PLCH1: variants seen among roughly 807,000 people sequenced by gnomAD.
PLCH1 encodes phospholipase C eta 1, also known as 1-phosphatidylinositol 4,5-bisphosphate phosphodiesterase eta-1.
A neutral mutation model predicts 126.7 loss-of-function variants in PLCH1; 60 were observed. The ratio of observed to expected loss-of-function variants is 0.47; its 90% CI spans 0.38 to 0.59. PLCH1 has a LOEUF of 0.59. PLCH1 is among the 20% of genes least tolerant of loss of function. The pLI, the probability that PLCH1 is intolerant of heterozygous loss-of-function variation, is 0.00. For synonymous variants in PLCH1, 719 were observed against 734.9 expected, an observed-to-expected ratio of 0.98 and a Z score of 0.35; for missense variants, 1,723 against 2,040.0, an observed-to-expected ratio of 0.84 and a Z score of 2.99.
At chr3:155,500,885 T>A (rs1206885837) in intron 13 of PLCH1, 91 bp from the exon 14 acceptor site, 1 of 817,504 alleles carries the variant, frequency 1.2e-6, no homozygotes, top group East Asian at 2.5e-5. Context: ...AAAATGCACA[T>A]GTGCACAAAC....
intron 6 of PLCH1, among the ~76,000 whole-genome samples, chr3:155,580,900 T>C (rs1313962385): frequency 1.3e-5 from 2 of 152,210 alleles, no homozygotes; most frequent in Non-Finnish European, 2.9e-5. Context: ...GGTCTTTATT[T>C]TGAGCTTTCT....
At chr3:155,726,099 C>G (rs1748297841) in intron 1 of PLCH1, among the ~76,000 whole-genome samples, 1 of 152,238 alleles carries the variant, frequency 6.6e-6, no homozygotes, top group Admixed American at 6.5e-5. Flanking sequence ...CCTTTTGCTT[C>G]TCCAACTTAT....
At chr3:155,495,149 A>T (rs867091645) in intron 15 of PLCH1, among the ~76,000 whole-genome samples, 22 of 152,304 alleles carry the variant, frequency 1.4e-4, no homozygotes, top group African/African-American at 5.1e-4. Flanking sequence ...AAGGAATAAA[A>T]GTTTTAAGAA....
At chr3:155,459,345 T>A (rs2107972086) in intron 21 of PLCH1, among the ~76,000 whole-genome samples, 1 of 152,176 alleles carries the variant, frequency 6.6e-6, no homozygotes, top group East Asian at 1.9e-4. Flanking sequence ...TATGGGTAAA[T>A]CTTGAGGGTG....
intron 2 of PLCH1, among the ~76,000 whole-genome samples, chr3:155,659,970 A>G (rs1343490381): frequency 6.6e-6 from 1 of 152,184 alleles, no homozygotes; most frequent in Non-Finnish European, 1.5e-5. Context: ...ACATCAGTCG[A>G]TCATTAGAAA....
intron 11 of PLCH1, among the ~76,000 whole-genome samples, chr3:155,520,733 G>A (rs80105413): frequency 0.023 from 3,503 of 152,310 alleles, 142 homozygotes; most frequent in African/African-American, 0.081. Context: ...GTGTCTCTGA[G>A]TTGTATGATT....
intron 2 of PLCH1, among the ~76,000 whole-genome samples, chr3:155,667,531 T>C (rs1742860109): frequency 6.6e-6 from 1 of 152,062 alleles, no homozygotes; most frequent in Non-Finnish European, 1.5e-5. Context: ...AATAAAATAA[T>C]GGCATGAAAA....
At chr3:155,487,958 G>T in intron 21 of PLCH1, 70 bp downstream of exon 21, 1 of 975,536 alleles carries the variant, frequency 1.0e-6, no homozygotes, top group Non-Finnish European at 1.6e-6. Context: ...TTCCTATTAT[G>T]CAATTAATCA....
At chr3:155,617,261 C>T (rs556458790) in intron 2 of PLCH1, among the ~76,000 whole-genome samples, 10 of 152,200 alleles carry the variant, frequency 6.6e-5, no homozygotes, top group African/African-American at 2.2e-4. Flanking sequence ...AGCTATAGGA[C>T]TCTGACAGGC....
Position 155,662,860 on chromosome 3 carries a change from C to T in PLCH1, c.79+41286G>A, listed in dbSNP as rs951565780. On this transcript the variant is annotated intron_variant, in intron 2 of 22. Transcript: ENST00000460012. ...TGTATTTTTAGTAGAGATGGGGTTT[C>T]GCCATGTTGGCCAGGCTGGTCTTGA... is the stretch of plus-strand genomic sequence containing the variant. 4.6e-5 allele frequency among the ~76,000 whole-genome samples: 7 copies of T among 152,080 alleles called. No individual in the cohort carries two copies. The East Asian group carries it at 9.6e-4, about 21-fold the overall frequency.
intron 12 of PLCH1, among the ~76,000 whole-genome samples, chr3:155,512,682 A>G (rs574063669): frequency 1.3e-5 from 2 of 152,342 alleles, no homozygotes; most frequent in African/African-American, 4.8e-5. Context: ...GGACTCCTAC[A>G]CATGCACACT....
At chr3:155,564,503 T>C (rs985140269) in intron 8 of PLCH1, among the ~76,000 whole-genome samples, 1 of 152,042 alleles carries the variant, frequency 6.6e-6, no homozygotes, top group African/African-American at 2.4e-5. Flanking sequence ...AGGTGGAGAT[T>C]GCACTGAGCC....
intron 2 of PLCH1, among the ~76,000 whole-genome samples, chr3:155,621,207 A>G (rs1048804127): frequency 1.3e-5 from 2 of 152,240 alleles, no homozygotes; most frequent in Admixed American, 6.5e-5. Context: ...ACAGAAAGGA[A>G]TAGTATGAAC....
chr3:155,506,345 CTTTTTTT>C (rs57746252), intron 12 of PLCH1, among the ~76,000 whole-genome samples: 1 of 130,704 alleles, frequency 7.7e-6, no homozygotes, highest in Non-Finnish European at 1.6e-5. Context: ...TTCTCACTCT[CTTTTTTT>C]TTTTTTTTTT....
At position 155,565,371 on chromosome 3, in the gene PLCH1, T is replaced by A. The variant is rs1002525898; in HGVS notation, c.866-253A>T. 3.3e-5 allele frequency among the ~76,000 whole-genome samples: 5 copies of A among 152,176 alleles called. No individual in the cohort carries two copies. The East Asian group carries it at 9.7e-4, about 30-fold the overall frequency. ...GAGGTGGGCCCTGGTGGGAGGTGTATGGATCATGGGGGTGGACCCCTCAAG... is the reference window on the plus strand; with the variant it reads ...GAGGTGGGCCCTGGTGGGAGGTGTAAGGATCATGGGGGTGGACCCCTCAAG... On this transcript the variant is annotated intron_variant, in intron 7 of 22. Transcript: ENST00000460012.
intron 21 of PLCH1, among the ~76,000 whole-genome samples, chr3:155,465,678 TG>T (rs901720015): frequency 6.6e-6 from 1 of 151,988 alleles, no homozygotes; most frequent in Non-Finnish European, 1.5e-5. Context: ...AGCAGGTTCT[TG>T]GGGTTCCCAA....
chr3:155,548,487 T>C (rs1725684094), intron 10 of PLCH1, among the ~76,000 whole-genome samples: 1 of 152,196 alleles, frequency 6.6e-6, no homozygotes, highest in Non-Finnish European at 1.5e-5. Context: ...AGCCCAGTTA[T>C]GCAAAGGAGA....
intron 21 of PLCH1, among the ~76,000 whole-genome samples, chr3:155,460,304 A>AAAATTT (rs1712661274): frequency 6.6e-6 from 1 of 152,212 alleles, no homozygotes; most frequent in African/African-American, 2.4e-5. Flanking sequence ...TGTACTGGAC[A>AAAATTT]GACAAAAAGT....
Position 155,482,182 on chromosome 3 carries a change from C to T in PLCH1, c.3844G>A (p.Asp1282Asn). ...GCTGTCTTGGCCTTACTAGAAAGGT[C>T]ATCATCTGGTTTGGTTTTAGAGATG... is the stretch of plus-strand genomic sequence containing the variant. ...TPISKTKPDD[D>N]LSSKAKTAAL... Residue 1282 changes from aspartate (D) to asparagine (N), a missense_variant, in exon 23 of 23, where the codon GAC becomes AAC. By Grantham distance (23) the Asp-to-Asn change is conservative. Transcript: ENST00000460012. The T allele has an allele frequency of 6.2e-7, 1 of 1,614,130 alleles. No individual in the cohort carries two copies. Among genetic ancestry groups the T allele is most frequent in the South Asian group, 1.1e-5 (1 of 91,070 alleles).
Sources: allele counts gnomAD v4.1 joint callset (sites outside exome capture counted in the v4.1 genomes callset), GRCh38; gene constraint gnomAD v4.1.1; transcripts MANE v1.5; gene names NCBI Gene and HGNC (gene_info 2026-07-23, HGNC 2026-07-21).